The following C3orf33 variants were observed in gnomAD, a reference collection of about 807,000 sequenced individuals.
The protein encoded by C3orf33 is AP-1 activity suppressor.
C3orf33 carries 23 observed loss-of-function variants against 28.7 expected under a neutral mutation model. The ratio of observed to expected loss-of-function variants is 0.80; its 90% CI spans 0.58 to 1.13. C3orf33 has a LOEUF of 1.13. Among genes scored for constraint, C3orf33 ranks in the 50% most tolerant of loss-of-function variants. The probability of loss-of-function intolerance (pLI) is 0.00; values close to 1 mark genes in which losing one functional copy is unlikely to be tolerated. For synonymous variants in C3orf33, 119 were observed against 120.5 expected (o/e 0.99, Z 0.08); for missense variants, 327 against 353.4 (o/e 0.93, Z 0.60).
chr3:155,782,564 A>G (rs1750959365), intron 2 of C3orf33, among the ~76,000 whole-genome samples: 1 of 152,226 alleles, frequency 6.6e-6, no homozygotes, highest in African/African-American at 2.4e-5. Context: ...CTCATCAGAA[A>G]CTTTGGAGGC....
At chr3:155,772,361 G>A (rs1360678529) in intron 3 of C3orf33, among the ~76,000 whole-genome samples, 5 of 152,110 alleles carry the variant, frequency 3.3e-5, no homozygotes, top group Admixed American at 6.5e-5. Flanking sequence ...CCCAACTAGG[G>A]ATACTGTTAT....
intron 3 of C3orf33, among the ~76,000 whole-genome samples, chr3:155,772,940 T>G (rs1750636124): frequency 1.3e-5 from 2 of 152,174 alleles, no homozygotes; most frequent in South Asian, 4.1e-4. Context: ...AGACCAAAAG[T>G]AGAAACAGAA....
At chr3:155,805,108 G>A (rs949841335) in intron 1 of C3orf33, among the ~76,000 whole-genome samples, 3 of 150,996 alleles carry the variant, frequency 2.0e-5, no homozygotes, top group Non-Finnish European at 4.4e-5. Context: ...TTGCCTGGTG[G>A]CCTAACATGT....
Position 155,763,472 on chromosome 3 carries a change from T to A in C3orf33, c.*45A>T. 7.3e-7 allele frequency: 1 copy of A among 1,378,086 alleles called. No homozygotes were observed. The highest frequency in any genetic ancestry group is 9.5e-7 in the Non-Finnish European group (1 of 1,054,904). The allele number at this position is 1,378,086 out of a possible 1,614,324, so 85.4% of individuals were successfully genotyped here. A position where few individuals can be genotyped will look rare whatever the true frequency, so the allele number is the denominator to read the frequency against. On this transcript the variant is annotated 3_prime_UTR_variant, in exon 5 of 5. Coordinates refer to ENST00000340171, the MANE Select transcript of C3orf33 (RefSeq NM_001308229.2). Reference sequence around the variant, plus strand: ...AATGAAAAACGTCCATATATTTACATATTTCACTCTTTGGAGAAGGTTACC... The same window carrying A: ...AATGAAAAACGTCCATATATTTACAAATTTCACTCTTTGGAGAAGGTTACC...
chr3:155,777,166 T>C (rs541465519), intron 2 of C3orf33, among the ~76,000 whole-genome samples: 1 of 151,886 alleles, frequency 6.6e-6, no homozygotes, highest in Admixed American at 6.6e-5. Context: ...AATACAAAAT[T>C]AGTCGGGCGT....
intron 2 of C3orf33, among the ~76,000 whole-genome samples, chr3:155,780,076 A>G (rs1750872097): frequency 6.6e-6 from 1 of 152,232 alleles, no homozygotes. Flanking sequence ...CAATACATGA[A>G]TAGGTTTAAA....
chr3:155,802,789 G>T lies in C3orf33; in HGVS notation c.115-198C>A, dbSNP rs1286429261. On this transcript the variant is annotated intron_variant, in intron 1 of 4. Coordinates refer to ENST00000340171, the MANE Select transcript of C3orf33 (RefSeq NM_001308229.2). Reference sequence around the variant, plus strand: ...ATGATGAATTCTTTTAACTTTTATAGTACTCAAATTCTTTCCCAATCTGGC... The same window carrying T: ...ATGATGAATTCTTTTAACTTTTATATTACTCAAATTCTTTCCCAATCTGGC... Among the ~76,000 whole-genome samples, 4 of 151,882 alleles carry T rather than the reference G, an allele frequency of 2.6e-5. No homozygotes were observed. In the South Asian group the frequency reaches 8.3e-4, roughly 31 times the overall value.
At chr3:155,778,007 G>A (rs1750800275) in intron 2 of C3orf33, among the ~76,000 whole-genome samples, 1 of 151,956 alleles carries the variant, frequency 6.6e-6, no homozygotes, top group Non-Finnish European at 1.5e-5. Flanking sequence ...AAAATTAGCT[G>A]GGCATGGTGG....
intron 3 of C3orf33, among the ~76,000 whole-genome samples, chr3:155,768,951 G>A (rs1750493296): frequency 1.3e-5 from 2 of 152,102 alleles, no homozygotes; most frequent in Non-Finnish European, 2.9e-5. Flanking sequence ...CAAGGTGGGT[G>A]GATCACCTGA....
At chr3:155,778,108 C>T (rs934759142) in intron 2 of C3orf33, among the ~76,000 whole-genome samples, 1 of 138,986 alleles carries the variant, frequency 7.2e-6, no homozygotes, top group African/African-American at 2.7e-5. Context: ...TGAGATCGTG[C>T]CACTGCACTC....
intron 1 of C3orf33, among the ~76,000 whole-genome samples, chr3:155,803,564 CAA>C (rs63676264): frequency 7.4e-5 from 4 of 53,846 alleles, no homozygotes; most frequent in South Asian, 9.6e-4. Context: ...GACTCAGTCT[CAA>C]AAAAAAAAAA....
intron 3 of C3orf33, 106 bp downstream of exon 3, chr3:155,775,595 G>A (rs1750719455): frequency 1.5e-6 from 1 of 689,126 alleles, no homozygotes; most frequent in Non-Finnish European, 2.2e-6. Flanking sequence ...CATGGACAAT[G>A]GAGAGTTATT....
At chr3:155,797,778 T>C (rs576230277) in intron 2 of C3orf33, among the ~76,000 whole-genome samples, 2 of 152,220 alleles carry the variant, frequency 1.3e-5, no homozygotes, top group East Asian at 1.9e-4. Context: ...CATCGAAAAC[T>C]ATAATACACT....
intron 2 of C3orf33, among the ~76,000 whole-genome samples, chr3:155,787,769 C>A (rs1463058936): frequency 6.6e-6 from 1 of 152,026 alleles, no homozygotes; most frequent in Non-Finnish European, 1.5e-5. Flanking sequence ...CCACCTCAGC[C>A]TCCCAAAGTG....
chr3:155,799,265 TTAGA>T (rs996463376), intron 2 of C3orf33, among the ~76,000 whole-genome samples: 11 of 152,334 alleles, frequency 7.2e-5, no homozygotes, highest in Non-Finnish European at 1.3e-4. Context: ...AATTCCACTA[TTAGA>T]TATATACCAA....
chr3:155,768,246 T>C (rs1272715047), intron 3 of C3orf33, among the ~76,000 whole-genome samples: 1 of 152,218 alleles, frequency 6.6e-6, no homozygotes, highest in Non-Finnish European at 1.5e-5. Context: ...CCTTCTTTTT[T>C]CAACCTCCCA....
chr3:155,794,090 T>A (rs1037018113), intron 2 of C3orf33, among the ~76,000 whole-genome samples: 13 of 151,832 alleles, frequency 8.6e-5, no homozygotes, highest in Non-Finnish European at 1.8e-4. Context: ...TTCAAGTGAT[T>A]CTCCTGTTAG....
intron 2 of C3orf33, among the ~76,000 whole-genome samples, chr3:155,795,183 C>T (rs1157792324): frequency 6.6e-6 from 1 of 152,182 alleles, no homozygotes; most frequent in Admixed American, 6.5e-5. Context: ...AAGCCGTGTG[C>T]GGTGGCTCAC....
chr3:155,767,346 A>C (rs1380984201), intron 4 of C3orf33, among the ~76,000 whole-genome samples, 163 bp downstream of exon 4: 1 of 152,132 alleles, frequency 6.6e-6, no homozygotes, highest in Non-Finnish European at 1.5e-5. Flanking sequence ...AACTAAAATA[A>C]AATTTGTATA....
Sources: allele counts gnomAD v4.1 joint callset (sites outside exome capture counted in the v4.1 genomes callset), GRCh38; gene constraint gnomAD v4.1.1; transcripts MANE v1.5; gene names NCBI Gene and HGNC (gene_info 2026-07-23, HGNC 2026-07-21).